IMMP1L: variants seen among roughly 807,000 people sequenced by gnomAD.
IMMP1L encodes mitochondrial inner membrane protease subunit 1.
Under a neutral mutation model 21.8 loss-of-function variants are expected in IMMP1L, and 24 were observed. The observed-to-expected ratio is 1.10, with a 90% CI of 0.80 to 1.55. IMMP1L has a LOEUF of 1.55. Among genes scored for constraint, IMMP1L ranks in the 40% most tolerant of loss-of-function variants. The pLI is 0.00. For missense variants in IMMP1L, 195 were observed against 200.7 expected (o/e 0.97, Z 0.17); for synonymous variants, 46 against 62.8 (o/e 0.73, Z 1.26).
chr11:31,466,194 C>T lies in IMMP1L; in HGVS notation c.-29-2889G>A, dbSNP rs1954337460. On this transcript the variant is annotated intron_variant, in intron 1 of 5. Transcript: ENST00000532287. Reference sequence around the variant, plus strand: ...CACTAATCTTCAGGGAAATGCAAGTCAAAACTATAATCAGGTATCATCTTA... The same window carrying T: ...CACTAATCTTCAGGGAAATGCAAGTTAAAACTATAATCAGGTATCATCTTA... 2.0e-5 allele frequency among the ~76,000 whole-genome samples: 3 copies of T among 151,980 alleles called. No individual in the cohort carries two copies. The South Asian group carries it at 6.2e-4, about 32-fold the overall frequency.
rs149520789 is a variant in IMMP1L, at chr11:31,452,685, A to C, written c.321+3575T>G. ...ACAGTAGCCAATGCTCAGTTCATAC[A>C]TAACCCCAGGAAAGAATTATTGGCT... On this transcript the variant is annotated intron_variant, in intron 4 of 5. Coordinates refer to ENST00000532287, the MANE Select transcript of IMMP1L (RefSeq NM_001304274.2). 7.5e-4 allele frequency: 749 copies of C among 1,001,186 alleles called. 2 individuals carry two copies. The African/African-American group carries it at 9.6e-3, about 13-fold the overall frequency. 62.0% of individuals were successfully genotyped at this position (1,001,186 alleles called of 1,614,324 possible).
intron 3 of IMMP1L, among the ~76,000 whole-genome samples, chr11:31,457,694 G>A (rs542465618): frequency 4.0e-4 from 61 of 152,164 alleles, no homozygotes; most frequent in African/African-American, 1.4e-3. Flanking sequence ...AGCTTGGGAG[G>A]TAAGACAAAA....
intron 1 of IMMP1L, among the ~76,000 whole-genome samples, chr11:31,463,702 A>T (rs1384417168): frequency 1.3e-5 from 2 of 152,190 alleles, no homozygotes; most frequent in Non-Finnish European, 2.9e-5. Context: ...ATAATGGAGA[A>T]ATCACTAGAA....
intron 1 of IMMP1L, among the ~76,000 whole-genome samples, chr11:31,499,233 C>T (rs1592045753): frequency 6.6e-6 from 1 of 151,978 alleles, no homozygotes; most frequent in African/African-American, 2.4e-5. Flanking sequence ...GGCGTGGTGG[C>T]GGGCACCTGT....
At chr11:31,435,289 T>C (rs1953081081) in intron 4 of IMMP1L, among the ~76,000 whole-genome samples, 1 of 152,190 alleles carries the variant, frequency 6.6e-6, no homozygotes, top group Non-Finnish European at 1.5e-5. Context: ...TTCCCTAAAC[T>C]TGCCTGCCCT....
At position 31,452,456 on chromosome 11, in the gene IMMP1L, T is replaced by C. The variant is rs578016074; in HGVS notation, c.321+3804A>G. 4.1e-5 allele frequency: 40 copies of C among 985,450 alleles called. No homozygotes were observed. The African/African-American group carries it at 5.8e-4, about 14-fold the overall frequency. The allele number at this position is 985,450 out of a possible 1,614,324, so 61.0% of individuals were successfully genotyped here. A position where few individuals can be genotyped will look rare whatever the true frequency, so the allele number is the denominator to read the frequency against. On this transcript the variant is annotated intron_variant, in intron 4 of 5. Coordinates refer to ENST00000532287, the MANE Select transcript of IMMP1L (RefSeq NM_001304274.2). The stretch of plus-strand genomic sequence containing the variant: ...GCATTTTGCCTGCTGTGCAAACCAA[T>C]AGGAGAATGCCAACTCATTTTATTT...
At chr11:31,496,930 CA>C (rs2133811525) in intron 1 of IMMP1L, among the ~76,000 whole-genome samples, 1 of 146,922 alleles carries the variant, frequency 6.8e-6, no homozygotes, top group African/African-American at 2.5e-5. Flanking sequence ...ATATTATATA[CA>C]ATGATATATC....
At chr11:31,466,315 A>T (rs1954344694) in intron 1 of IMMP1L, among the ~76,000 whole-genome samples, 1 of 152,112 alleles carries the variant, frequency 6.6e-6, no homozygotes, top group Admixed American at 6.6e-5. Context: ...TGGGAATGTA[A>T]ATTAGTACAG....
At chr11:31,462,494 A>T (rs940573005) in intron 2 of IMMP1L, among the ~76,000 whole-genome samples, 5 of 152,164 alleles carry the variant, frequency 3.3e-5, no homozygotes, top group Non-Finnish European at 7.3e-5. Flanking sequence ...TCTTTCACTT[A>T]CATGACAAAA....
At chr11:31,481,632 T>C (rs1344980377) in intron 1 of IMMP1L, among the ~76,000 whole-genome samples, 3 of 151,966 alleles carry the variant, frequency 2.0e-5, no homozygotes, top group African/African-American at 7.2e-5. Flanking sequence ...TACAACATCA[T>C]AGCCCATAAT....
At chr11:31,444,053 G>C (rs1229680766) in intron 4 of IMMP1L, among the ~76,000 whole-genome samples, 9 of 152,066 alleles carry the variant, frequency 5.9e-5, no homozygotes, top group Admixed American at 5.9e-4. Flanking sequence ...AGTAACCTCT[G>C]GTGGGCTGTT....
intron 3 of IMMP1L, among the ~76,000 whole-genome samples, chr11:31,459,904 C>T (rs976240491): frequency 3.3e-5 from 5 of 152,120 alleles, no homozygotes; most frequent in African/African-American, 1.2e-4. Flanking sequence ...CACCTGTAAT[C>T]CCAACACTTT....
At chr11:31,455,351 A>G (rs563406800) in intron 4 of IMMP1L, among the ~76,000 whole-genome samples, 1 of 152,326 alleles carries the variant, frequency 6.6e-6, no homozygotes, top group Non-Finnish European at 1.5e-5. Context: ...TTAAGCTATA[A>G]TTATTCAAGT....
intron 1 of IMMP1L, among the ~76,000 whole-genome samples, chr11:31,474,492 T>C (rs540311034): frequency 5.9e-5 from 9 of 152,260 alleles, no homozygotes; most frequent in African/African-American, 1.9e-4. Context: ...CTCAAGGCAC[T>C]CATACTCCCA....
chr11:31,466,222 A>G lies in IMMP1L; in HGVS notation c.-29-2917T>C, dbSNP rs189408493. On this transcript the variant is annotated intron_variant, in intron 1 of 5. Coordinates refer to ENST00000532287, the MANE Select transcript of IMMP1L (RefSeq NM_001304274.2). ...AACTATAATCAGGTATCATCTTACC[A>G]CAGTTAGATTGATTATTATCAAAAA... Among the ~76,000 whole-genome samples the G allele has an allele frequency of 3.7e-3, 568 of 152,154 alleles. 2 individuals are homozygous for G. Among genetic ancestry groups the G allele is most frequent in the Admixed American group, 7.0e-3 (107 of 15,274 alleles).
chr11:31,502,386 A>C (rs796672363), intron 1 of IMMP1L, among the ~76,000 whole-genome samples: 27 of 152,356 alleles, frequency 1.8e-4, no homozygotes, highest in African/African-American at 6.5e-4. Context: ...ATCCTGCAAG[A>C]AATTCATCAA....
intron 1 of IMMP1L, chr11:31,473,750 A>G: frequency 5.1e-6 from 5 of 985,334 alleles, no homozygotes; most frequent in Non-Finnish European, 6.0e-6. Context: ...CCAAAGTCAC[A>G]AGAAGTTGTC....
intron 1 of IMMP1L, among the ~76,000 whole-genome samples, chr11:31,491,779 C>G (rs185168480): frequency 6.6e-6 from 1 of 152,262 alleles, no homozygotes; most frequent in Admixed American, 6.5e-5. Flanking sequence ...ACCTTTTCAG[C>G]AGAAGCTAGA....
chr11:31,459,350 A>G (rs1171158624), intron 3 of IMMP1L, among the ~76,000 whole-genome samples: 1 of 152,230 alleles, frequency 6.6e-6, no homozygotes, highest in Non-Finnish European at 1.5e-5. Context: ...AACCTACTTA[A>G]TATGCCATAA....
Sources: gnomAD v4.1 joint callset for allele counts (sites outside exome capture counted in the v4.1 genomes callset) on GRCh38, gnomAD v4.1.1 for gene constraint, MANE v1.5 for transcripts, NCBI Gene and HGNC (gene_info 2026-07-23, HGNC 2026-07-21) for gene names.